SFSWAP: variants seen among roughly 807,000 people sequenced by gnomAD.
SFSWAP encodes splicing factor SWAP, also known as splicing factor, suppressor of white-apricot homolog.
SFSWAP carries 17 observed loss-of-function variants against 100.7 expected under a neutral mutation model. The ratio of observed to expected loss-of-function variants is 0.17; its 90% CI spans 0.12 to 0.25. The LOEUF (loss-of-function observed/expected upper bound fraction) is 0.25, where lower values mean the gene tolerates loss of function less well. Ranked by LOEUF, SFSWAP falls within the 10% of genes least tolerant of loss-of-function variation. The pLI is 1.00. For missense variants in SFSWAP, 1,005 were observed against 1,262.6 expected (o/e 0.80, Z 3.09); for synonymous variants, 504 against 510.1 (o/e 0.99, Z 0.16).
rs981625157 is a variant in SFSWAP, at chr12:131,730,994, G to A, written c.1081+2566G>A. 5.9e-5 allele frequency among the ~76,000 whole-genome samples: 9 copies of A among 152,170 alleles called. No homozygotes were observed. Among genetic ancestry groups the A allele is most frequent in the Non-Finnish European group, 1.3e-4 (9 of 68,032 alleles). Reference sequence around the variant, plus strand: ...CATATGCTCCTGCATCAGCCATAGGGGTCAGAGCCCTCCTATGAGCCTCCT... The same window carrying A: ...CATATGCTCCTGCATCAGCCATAGGAGTCAGAGCCCTCCTATGAGCCTCCT... On this transcript the variant is annotated intron_variant, in intron 7 of 17. Transcript: ENST00000261674. The surrounding 1 kb of genome is among the most constrained non-coding windows in gnomAD (Gnocchi z 4.0).
At chr12:131,777,394 T>C (rs1056622672) in intron 13 of SFSWAP, among the ~76,000 whole-genome samples, 3 of 152,172 alleles carry the variant, frequency 2.0e-5, no homozygotes, top group Non-Finnish European at 4.4e-5. Flanking sequence ...CATGCGGTGT[T>C]TGGTTTTTTG....
chr12:131,773,851 C>T (rs1278154582), intron 13 of SFSWAP, among the ~76,000 whole-genome samples: 2 of 152,188 alleles, frequency 1.3e-5, no homozygotes, highest in Non-Finnish European at 2.9e-5. Context: ...TGGGCATTTC[C>T]ATCAGGACAG....
chr12:131,717,332 T>G (rs1269562354), intron 3 of SFSWAP, among the ~76,000 whole-genome samples: 1 of 152,256 alleles, frequency 6.6e-6, no homozygotes, highest in Non-Finnish European at 1.5e-5. Context: ...TTTACTATTT[T>G]CAGTCAAGTT....
chr12:131,731,473 C>T (rs1249772881), intron 7 of SFSWAP, among the ~76,000 whole-genome samples: 2 of 152,142 alleles, frequency 1.3e-5, no homozygotes, highest in African/African-American at 2.4e-5. Flanking sequence ...ATTTGGGGTC[C>T]TGTGTGGCAG....
intron 3 of SFSWAP, among the ~76,000 whole-genome samples, chr12:131,717,494 T>G: frequency 6.6e-6 from 1 of 152,210 alleles, no homozygotes; most frequent in Non-Finnish European, 1.5e-5. Context: ...AAATCTGAGT[T>G]TGTAGTGCAA....
chr12:131,719,155 C>T (rs1878215931), intron 3 of SFSWAP, among the ~76,000 whole-genome samples: 1 of 152,078 alleles, frequency 6.6e-6, no homozygotes, highest in African/African-American at 2.4e-5. Flanking sequence ...TTGGTGTCTG[C>T]AAGGGTCCTA....
At chr12:131,754,292 G>A in intron 8 of SFSWAP, 76 bp from the exon 9 acceptor site, 1 of 1,222,548 alleles carries the variant, frequency 8.2e-7, no homozygotes, top group Non-Finnish European at 1.1e-6. Context: ...CTGAGGCGGT[G>A]AGGACCCCCG....
intron 4 of SFSWAP, among the ~76,000 whole-genome samples, chr12:131,724,081 G>C (rs2136186147): frequency 6.6e-6 from 1 of 152,248 alleles, no homozygotes; most frequent in East Asian, 1.9e-4. Flanking sequence ...ATTCAGGGTT[G>C]GTAGCCAACC....
chr12:131,718,488 CAG>C (rs1252119644), intron 3 of SFSWAP, among the ~76,000 whole-genome samples: 2 of 152,110 alleles, frequency 1.3e-5, no homozygotes, highest in African/African-American at 4.8e-5. Context: ...CCTTAGAATA[CAG>C]AAAGATAATG....
rs535070717 is a variant in SFSWAP, at chr12:131,733,529, C to G, written c.1081+5101C>G. On this transcript the variant is annotated intron_variant, in intron 7 of 17. Transcript: ENST00000261674. The surrounding 1 kb of genome is among the most constrained non-coding windows in gnomAD (Gnocchi z 5.1). ...CAGGAGCAGGGCTTCCTCCTTGCCTCTGAGCAGTGGAGCCAAGGCTGGAGG... is the reference window on the plus strand; with the variant it reads ...CAGGAGCAGGGCTTCCTCCTTGCCTGTGAGCAGTGGAGCCAAGGCTGGAGG... Among the ~76,000 whole-genome samples the G allele has an allele frequency of 6.6e-6, 1 of 152,090 alleles. No homozygotes were observed. The highest frequency in any genetic ancestry group is 2.0e-4 in the East Asian group (1 of 5,120).
chr12:131,739,255 G>A (rs1026899719), intron 7 of SFSWAP, among the ~76,000 whole-genome samples: 1 of 152,110 alleles, frequency 6.6e-6, no homozygotes, highest in Non-Finnish European at 1.5e-5. Context: ...AAACAGCTAG[G>A]TCAAAGAGTA....
intron 7 of SFSWAP, among the ~76,000 whole-genome samples, chr12:131,745,503 C>G (rs1224285752): frequency 6.6e-6 from 1 of 152,182 alleles, no homozygotes; most frequent in African/African-American, 2.4e-5. Flanking sequence ...TAGGCACTTT[C>G]CTCATTCTTG....
At chr12:131,727,105 A>G (rs1879049038) in intron 6 of SFSWAP, 53 bp downstream of exon 6, 2 of 1,126,136 alleles carry the variant, frequency 1.8e-6, no homozygotes, top group Non-Finnish European at 2.7e-6. Flanking sequence ...AACTTCTGCT[A>G]ATGTAATTTT....
intron 15 of SFSWAP, 108 bp from the exon 16 acceptor site, chr12:131,797,070 G>C: frequency 3.3e-6 from 3 of 910,914 alleles, no homozygotes; most frequent in South Asian, 1.6e-5. Flanking sequence ...TCCCTGAATT[G>C]TGCCTTGATG....
chr12:131,728,159 C>A, intron 6 of SFSWAP, 134 bp from the exon 7 acceptor site: 1 of 967,232 alleles, frequency 1.0e-6, no homozygotes, highest in Non-Finnish European at 1.6e-6. Context: ...TCGTTAGGAC[C>A]TCCATGGGTG....
In SFSWAP at chr12:131,735,399, C is replaced by CT. The variant is rs532649962; in HGVS notation, c.1081+6972dup. On this transcript the variant is annotated intron_variant, in intron 7 of 17. Coordinates refer to ENST00000261674, the MANE Select transcript of SFSWAP (RefSeq NM_004592.4). ...TATTAATTTAAATAACAGAAGCACT[C>CT]TATCGTATTCTGAATGGGACACCAG... is the stretch of plus-strand genomic sequence containing the variant. Among the ~76,000 whole-genome samples, 10 of 152,284 alleles carry CT rather than the reference C, an allele frequency of 6.6e-5. No homozygotes were observed. The South Asian group carries it at 1.9e-3, about 28-fold the overall frequency.
Position 131,756,659 on chromosome 12 carries a change from G to C in SFSWAP, c.1720+15G>C, listed in dbSNP as rs747978394. 1.8e-5 allele frequency: 28 copies of C among 1,566,832 alleles called. No individual in the cohort carries two copies. In the Admixed American group the frequency reaches 4.5e-4, roughly 25 times the overall value. Reference sequence around the variant, plus strand: ...GCTGGTGAAAGGTATGCTGCCACTTGCATGTTGGCCTTGCACATTCCACCA... The same window carrying C: ...GCTGGTGAAAGGTATGCTGCCACTTCCATGTTGGCCTTGCACATTCCACCA... On this transcript the variant is annotated intron_variant, in intron 11 of 17. Transcript: ENST00000261674.
intron 7 of SFSWAP, among the ~76,000 whole-genome samples, chr12:131,747,427 T>G (rs1466707353): frequency 6.6e-6 from 1 of 151,970 alleles, no homozygotes; most frequent in Non-Finnish European, 1.5e-5. Flanking sequence ...ATGTGCAGGA[T>G]GGGGGATGGG....
At chr12:131,758,425 A>G (rs1325965818) in intron 11 of SFSWAP, among the ~76,000 whole-genome samples, 1 of 152,212 alleles carries the variant, frequency 6.6e-6, no homozygotes, top group Non-Finnish European at 1.5e-5. Flanking sequence ...TCAGTTCTCA[A>G]AAGCACAGGC....
Sources: allele counts gnomAD v4.1 joint callset (sites outside exome capture counted in the v4.1 genomes callset), GRCh38; gene constraint gnomAD v4.1.1; non-coding constraint Gnocchi (gnomAD v3.1); transcripts MANE v1.5; gene names NCBI Gene and HGNC (gene_info 2026-07-23, HGNC 2026-07-21).